ZNF547: variants seen among roughly 807,000 people sequenced by gnomAD.
ZNF547 encodes the protein zinc finger protein 547.
Under a neutral mutation model 7.7 loss-of-function variants are expected in ZNF547, and 4 were observed. The observed-to-expected ratio is 0.52, with a 90% confidence interval of 0.26 to 1.20. The LOEUF (loss-of-function observed/expected upper bound fraction) is 1.20. Ranked by LOEUF, ZNF547 falls within the 50% of genes most tolerant of loss-of-function variation. ZNF547 has a pLI of 0.14. For synonymous variants in ZNF547, 166 were observed against 166.2 expected, an observed-to-expected ratio of 1.00 and a Z score of 0.01; for missense variants, 449 against 485.8, an observed-to-expected ratio of 0.92 and a Z score of 0.71.
At chr19:57,371,008 G>A (rs2088501329) in intron 2 of ZNF547, 1 of 151,820 alleles carries the variant, frequency 6.6e-6, no homozygotes, top group Non-Finnish European at 1.5e-5. Context: ...AGGCTGGAGT[G>A]CAGTGGCATG....
chr19:57,367,727 C>G (rs1007201882), intron 1 of ZNF547, among the ~76,000 whole-genome samples: 3 of 152,212 alleles, frequency 2.0e-5, no homozygotes, highest in African/African-American at 7.2e-5. Flanking sequence ...CACCTACAGG[C>G]TTGGCTGACC....
Position 57,378,112 on chromosome 19 carries a change from A to G in ZNF547, c.1136A>G (p.Gln379Arg). The change falls in exon 4 of 4, where the codon CAG (glutamine) becomes CGG (arginine). Residue 379 changes from glutamine to arginine, a missense_variant. Gln to Arg is a conservative substitution (Grantham distance 43). Coordinates refer to ENST00000282282, the MANE Select transcript of ZNF547 (RefSeq NM_173631.4). ...CAGACAGTTCACACTGCAGCAAAGC[A>G]GTGCAGTGAATGTGGGAAATTCTTT... ...CHQTVHTAAK[Q>R]CSECGKFFRY... The G allele has an allele frequency of 1.2e-6, 2 of 1,613,768 alleles. No homozygotes were observed. The highest frequency in any genetic ancestry group is 1.7e-6 in the Non-Finnish European group (2 of 1,179,752).
At chr19:57,372,043 A>C (rs946192046) in intron 3 of ZNF547, 135 bp downstream of exon 3, 9 of 1,386,194 alleles carry the variant, frequency 6.5e-6, no homozygotes, top group Non-Finnish European at 8.7e-6. Context: ...ATGTTCCATG[A>C]GAGTCAGGAC....
chr19:57,378,466 A>T lies in ZNF547; in HGVS notation c.*281A>T, dbSNP rs761711136. On this transcript the variant is annotated 3_prime_UTR_variant, in exon 4 of 4. Transcript: ENST00000282282. ...TAAAGTAGAAAGTGGTAAAGATTCA[A>T]CATGCAAGATTGTACTTATTGGGCT... 1 of 597,960 alleles carries T rather than the reference A, an allele frequency of 1.7e-6. No homozygotes were observed. The highest frequency in any genetic ancestry group is 1.5e-5 in the South Asian group (1 of 65,992). 37.0% of individuals were successfully genotyped at this position (597,960 alleles called of 1,614,324 possible). A position where few individuals can be genotyped will look rare whatever the true frequency, so the allele number is the denominator to read the frequency against.
rs773825447 is a variant in ZNF547 at position 57,368,526 on chromosome 19, GT to G, written c.-12-15del. On this transcript the variant is annotated splice_polypyrimidine_tract_variant and intron_variant, in intron 1 of 3. Coordinates refer to ENST00000282282, the MANE Select transcript of ZNF547 (RefSeq NM_173631.4). ...TTCCCATCGTTGCCCATTTCTCACG[GT>G]TTCCCTCTTCCTTCAGGGTCCCCTG... 6.2e-7 allele frequency: 1 copy of G among 1,613,962 alleles called. No homozygotes were observed. The highest frequency in any genetic ancestry group is 8.5e-7 in the Non-Finnish European group (1 of 1,179,878).
At chr19:57,368,420 T>G in intron 1 of ZNF547, 124 bp from the exon 2 acceptor site, 1 of 813,394 alleles carries the variant, frequency 1.2e-6, no homozygotes, top group South Asian at 1.6e-5. Context: ...TCGGAGGAGC[T>G]GAGTTTATAC....
chr19:57,371,970 G>T (rs2088507884), intron 3 of ZNF547, 62 bp downstream of exon 3: 4 of 1,498,128 alleles, frequency 2.7e-6, no homozygotes, highest in Admixed American at 4.6e-5. Context: ...TTTACCTGAA[G>T]GCAGCTCTGC....
chr19:57,369,262 A>G (rs1259411193), intron 2 of ZNF547, among the ~76,000 whole-genome samples: 1 of 152,048 alleles, frequency 6.6e-6, no homozygotes, highest in Non-Finnish European at 1.5e-5. Flanking sequence ...CCCACATTTT[A>G]TGATGTAGAG....
chr19:57,377,106 A>C, intron 3 of ZNF547, 22 bp from the exon 4 acceptor site: 1 of 1,600,654 alleles, frequency 6.2e-7, no homozygotes, highest in South Asian at 1.1e-5. Flanking sequence ...CATGCACCTC[A>C]CCAGCATTTT....
rs1260640801 is a variant in ZNF547, at chr19:57,379,531, T to C, written c.*1346T>C. On this transcript the variant is annotated 3_prime_UTR_variant, in exon 4 of 4. Coordinates refer to ENST00000282282, the MANE Select transcript of ZNF547 (RefSeq NM_173631.4). ...TACAACCAGGAAATAGCTTGTCATCTTTGATACAAAACAGAAATCTTTGCA... is the reference window on the plus strand; with the variant it reads ...TACAACCAGGAAATAGCTTGTCATCCTTGATACAAAACAGAAATCTTTGCA... The C allele has an allele frequency of 6.6e-6, 1 of 152,272 alleles. No individual in the cohort carries two copies. Among genetic ancestry groups the C allele is most frequent in the African/African-American group, 2.4e-5 (1 of 41,474 alleles). 9.4% of individuals were successfully genotyped at this position (152,272 alleles called of 1,614,324 possible).
chr19:57,363,728 C>CGCG (rs1555779306), intron 1 of ZNF547, 25 bp downstream of exon 1: 1 of 131,020 alleles, frequency 7.6e-6, no homozygotes, highest in Non-Finnish European at 1.7e-5. Context: ...CCAGGCCCCC[C>CGCG]CCCACCTCCG....
Position 57,371,919 on chromosome 19 carries a change from C to T in ZNF547, c.151+11C>T. ...TTTTGTCCTCACTAGGTAAGGCCCT[C>T]ACACTTGCCCAGTGTCCTGGGTTGG... is the stretch of plus-strand genomic sequence containing the variant. On this transcript the variant is annotated intron_variant, in intron 3 of 3. Coordinates refer to ENST00000282282, the MANE Select transcript of ZNF547 (RefSeq NM_173631.4). 6.3e-7 allele frequency: 1 copy of T among 1,589,136 alleles called. No homozygotes were observed.
rs143296035 is a variant in ZNF547, at chr19:57,368,687, CCT to C, written c.24+113_24+114del. 5.7e-4 allele frequency: 605 copies of C among 1,070,766 alleles called. 5 individuals carry two copies. The East Asian group carries it at 0.013, about 23-fold the overall frequency. The allele number at this position is 1,070,766 out of a possible 1,614,324, so 66.3% of individuals were successfully genotyped here. A position where few individuals can be genotyped will look rare whatever the true frequency, so the allele number is the denominator to read the frequency against. ...CAGAGACTCTCTTTCTGTCTTTCTCCCTCTCTTATGTCTGAAAAGTGAGTGAT... is the reference window on the plus strand; with the variant it reads ...CAGAGACTCTCTTTCTGTCTTTCTCCCTCTTATGTCTGAAAAGTGAGTGAT... On this transcript the variant is annotated intron_variant, in intron 2 of 3. Coordinates refer to ENST00000282282, the MANE Select transcript of ZNF547 (RefSeq NM_173631.4).
At chr19:57,367,648 AG>A (rs746130486) in intron 1 of ZNF547, among the ~76,000 whole-genome samples, 3 of 152,174 alleles carry the variant, frequency 2.0e-5, no homozygotes, top group Non-Finnish European at 2.9e-5. Flanking sequence ...GCCTAGAAAA[AG>A]GGAGGCGTGG....
intron 3 of ZNF547, among the ~76,000 whole-genome samples, chr19:57,375,858 GAT>G (rs1418481113): frequency 6.6e-6 from 1 of 151,842 alleles, no homozygotes; most frequent in Non-Finnish European, 1.5e-5. Context: ...GGAAATGCAA[GAT>G]GCTTATAAAA....
Position 57,368,621 on chromosome 19 carries a change from A to T in ZNF547, c.24+42A>T, listed in dbSNP as rs774205362. 1.4e-5 allele frequency: 22 copies of T among 1,574,050 alleles called. No homozygotes were observed. The South Asian group carries it at 2.3e-4, about 17-fold the overall frequency. ...CTACCTTTCACCTACCAGTTATCTC[A>T]TAGATGGTTTTGGCACCTCCATGTA... On this transcript the variant is annotated intron_variant, in intron 2 of 3. Coordinates refer to ENST00000282282, the MANE Select transcript of ZNF547 (RefSeq NM_173631.4).
At chr19:57,365,564 A>C (rs1230715868) in intron 1 of ZNF547, among the ~76,000 whole-genome samples, 1 of 146,438 alleles carries the variant, frequency 6.8e-6, no homozygotes, top group Non-Finnish European at 1.5e-5. Flanking sequence ...GCTGGAGTGC[A>C]GTGGCACAGT....
chr19:57,376,697 T>TG (rs1219206839), intron 3 of ZNF547, among the ~76,000 whole-genome samples: 1 of 152,210 alleles, frequency 6.6e-6, no homozygotes, highest in African/African-American at 2.4e-5. Context: ...CATGGAGGTT[T>TG]GGGGAGTTTC....
chr19:57,371,751 G>A, intron 2 of ZNF547, 31 bp from the exon 3 acceptor site: 2 of 1,594,320 alleles, frequency 1.3e-6, no homozygotes, highest in South Asian at 2.3e-5. Context: ...TTGAAAAGCT[G>A]CTCATGTATT....
Sources: allele counts gnomAD v4.1 joint callset (sites outside exome capture counted in the v4.1 genomes callset), GRCh38; gene constraint gnomAD v4.1.1; transcripts MANE v1.5; gene names NCBI Gene and HGNC (gene_info 2026-07-23, HGNC 2026-07-21).